Variants in FBXO34 observed in about 807,000 individuals in gnomAD.
FBXO34 encodes the protein F-box protein 34, also known as F-box only protein 34.
In FBXO34, 12 loss-of-function variants were observed where a neutral mutation model predicts 24.5. The observed-to-expected ratio is 0.49, with a 90% CI of 0.31 to 0.79. FBXO34 has a LOEUF of 0.79. Ranked by LOEUF, FBXO34 falls within the 30% of genes least tolerant of loss-of-function variation. FBXO34 has a pLI of 0.04. For missense variants in FBXO34, 823 were observed against 857.7 expected, an observed-to-expected ratio of 0.96 and a Z score of 0.51; for synonymous variants, 320 against 311.9, an observed-to-expected ratio of 1.03 and a Z score of -0.27.
chr14:55,439,063 G>A, the FBXO34 span, among the ~76,000 whole-genome samples: 4 of 151,448 alleles, frequency 2.6e-5, no homozygotes, highest in South Asian at 6.3e-4. Flanking sequence ...TCAGCCTCCC[G>A]AGTAGCTGGG....
chr14:55,440,656 C>T, the FBXO34 span: 1 of 1,258,604 alleles, frequency 7.9e-7, no homozygotes, highest in South Asian at 1.6e-5. Flanking sequence ...ACCCAGCTAC[C>T]GGCCCATGGG....
intron 1 of FBXO34, among the ~76,000 whole-genome samples, chr14:55,295,711 C>T (rs72715769): frequency 1.3e-5 from 2 of 152,062 alleles, no homozygotes; most frequent in East Asian, 1.9e-4. Flanking sequence ...AAATATTCTT[C>T]GCCATTTTTT....
chr14:55,411,403 G>A, the FBXO34 span, among the ~76,000 whole-genome samples: 1 of 152,182 alleles, frequency 6.6e-6, no homozygotes, highest in South Asian at 2.1e-4. Context: ...ATGGGGAAAC[G>A]GCGACCTTCC....
chr14:55,429,854 T>G, the FBXO34 span, among the ~76,000 whole-genome samples: 3 of 149,680 alleles, frequency 2.0e-5, no homozygotes, highest in African/African-American at 7.4e-5. Context: ...GGAGGTAAGA[T>G]ATGTGCTGAT....
the FBXO34 span, among the ~76,000 whole-genome samples, chr14:55,375,368 A>G: frequency 6.6e-6 from 1 of 152,216 alleles, no homozygotes; most frequent in Non-Finnish European, 1.5e-5. Context: ...TCATTCTGTC[A>G]TCCAGGTTGG....
intron 1 of FBXO34, among the ~76,000 whole-genome samples, chr14:55,347,411 G>A (rs1884194860): frequency 6.6e-6 from 1 of 152,150 alleles, no homozygotes; most frequent in Non-Finnish European, 1.5e-5. Flanking sequence ...TTAGATTTTT[G>A]TAGTTTCTCT....
the FBXO34 span, among the ~76,000 whole-genome samples, chr14:55,396,483 C>G: frequency 6.6e-6 from 1 of 152,176 alleles, no homozygotes; most frequent in Non-Finnish European, 1.5e-5. Context: ...ATTTAAATTG[C>G]TCATGAATGT....
chr14:55,370,460 A>C (rs1289755795), downstream of FBXO34, among the ~76,000 whole-genome samples: 1 of 152,220 alleles, frequency 6.6e-6, no homozygotes, highest in Non-Finnish European at 1.5e-5. Flanking sequence ...TGTTTAGAAT[A>C]TATTCAGAGG....
Position 55,352,178 on chromosome 14 carries a change from G to T in FBXO34, c.1788G>T (p.Val596=). 1 of 1,614,020 alleles carries T rather than the reference G, an allele frequency of 6.2e-7. No homozygotes were observed. ...IFRLLPTKSL[V]ALKCTCCYFK... is the part of the protein sequence containing the mutation. ...GGTTACTTCCCACCAAGAGTTTAGT[G>T]GCCCTTAAATGTACCTGCTGCTATT... Residue 596 remains valine (V), a synonymous_variant, in exon 2 of 2, where the codon GTG becomes GTT. Transcript: ENST00000313833.
chr14:55,319,328 A>T (rs950507361), intron 1 of FBXO34, among the ~76,000 whole-genome samples: 3 of 152,204 alleles, frequency 2.0e-5, no homozygotes, highest in Admixed American at 2.0e-4. Context: ...TTCTCTTTCA[A>T]AGTTGTGAAG....
chr14:55,359,250 T>G (rs1224938711), intron 3 of FBXO34, among the ~76,000 whole-genome samples: 1 of 152,094 alleles, frequency 6.6e-6, no homozygotes, highest in African/African-American at 2.4e-5. Context: ...AAAATTTCCT[T>G]CCTTCTCCAT....
At position 55,350,823 on chromosome 14, in the gene FBXO34, G is replaced by T; in HGVS notation, c.433G>T (p.Gly145Trp). 1 of 1,612,214 alleles carries T rather than the reference G, an allele frequency of 6.2e-7. No individual in the cohort carries two copies. Among genetic ancestry groups the T allele is most frequent in the South Asian group, 1.1e-5 (1 of 90,644 alleles). Residue 145 changes from glycine to tryptophan, a missense_variant, in exon 2 of 2, where the codon GGG (glycine) becomes TGG (tryptophan). Gly to Trp is a radical substitution (Grantham distance 184, BLOSUM62 -2). Around this residue, in one of 2 missense-constraint regions of FBXO34, gnomAD observed 693 missense variants for 659.1 expected, o/e 1.05. Coordinates refer to ENST00000313833, the MANE Select transcript of FBXO34 (RefSeq NM_017943.4). ...AATAAAAAGTTCCTGGGATATTGAT[G>T]GGAGAGCTACTAAGAGAAGGAAAAA... Reference protein sequence around the residue: ...MKIKSSWDIDGRATKRRKKSG... With the variant: ...MKIKSSWDIDWRATKRRKKSG...
chr14:55,312,733 T>C (rs1453495692), intron 1 of FBXO34, among the ~76,000 whole-genome samples: 2 of 152,196 alleles, frequency 1.3e-5, no homozygotes, highest in African/African-American at 4.8e-5. Context: ...TGTACGTTGC[T>C]CCATTTTCAC....
chr14:55,412,317 G>T, the FBXO34 span, among the ~76,000 whole-genome samples: 1 of 152,160 alleles, frequency 6.6e-6, no homozygotes, highest in Non-Finnish European at 1.5e-5. Context: ...ATCTCTCTGC[G>T]CCTGTTCTCT....
chr14:55,441,151 T>A, the FBXO34 span, among the ~76,000 whole-genome samples: 20 of 152,048 alleles, frequency 1.3e-4, no homozygotes, highest in South Asian at 4.2e-3. Flanking sequence ...CAGCCGTTTT[T>A]CTAAGAAACT....
chr14:55,339,687 C>G (rs183090379), intron 1 of FBXO34, among the ~76,000 whole-genome samples: 24 of 152,276 alleles, frequency 1.6e-4, no homozygotes, highest in Non-Finnish European at 5.9e-5. Context: ...TTGGAATGCT[C>G]ATTTTTAACC....
At chr14:55,397,219 C>T in the FBXO34 span, among the ~76,000 whole-genome samples, 2 of 152,132 alleles carry the variant, frequency 1.3e-5, no homozygotes, top group African/African-American at 4.8e-5. Flanking sequence ...CCTGCTTTAC[C>T]TCTCCCACAT....
At chr14:55,308,095 A>G (rs1882614679) in intron 1 of FBXO34, among the ~76,000 whole-genome samples, 2 of 152,224 alleles carry the variant, frequency 1.3e-5, no homozygotes, top group Admixed American at 1.3e-4. Context: ...GCCGTGTAAG[A>G]GTGACTTTGC....
At chr14:55,393,982 T>C in the FBXO34 span, among the ~76,000 whole-genome samples, 1 of 152,232 alleles carries the variant, frequency 6.6e-6, no homozygotes, top group East Asian at 1.9e-4. Context: ...CCACATTCTT[T>C]TTAACAACTA....
Sources: allele counts gnomAD v4.1 joint callset (sites outside exome capture counted in the v4.1 genomes callset), GRCh38; gene constraint gnomAD v4.1.1; regional missense constraint gnomAD v4.1.1; transcripts MANE v1.5; gene names NCBI Gene and HGNC (gene_info 2026-07-23, HGNC 2026-07-21).